Variants in IGFBP7 observed in about 807,000 individuals in gnomAD.
The protein encoded by IGFBP7 is insulin-like growth factor-binding protein 7.
A neutral mutation model predicts 29.4 loss-of-function variants in IGFBP7; 31 were observed. The ratio of observed to expected loss-of-function variants is 1.05; its 90% CI spans 0.79 to 1.42. The LOEUF is 1.42. Ranked by LOEUF, IGFBP7 falls within the 40% of genes most tolerant of loss-of-function variation. The pLI is 0.00. For missense variants in IGFBP7, 393 were observed against 395.5 expected (o/e 0.99, Z 0.05); for synonymous variants, 172 against 174.9 (o/e 0.98, Z 0.13).
chr4:57,068,409 C>CACA, intron 1 of IGFBP7, among the ~76,000 whole-genome samples: 2 of 151,962 alleles, frequency 1.3e-5, no homozygotes, highest in Middle Eastern at 6.8e-3. Context: ...GATGTGTAGA[C>CACA]ACAACACCCA....
At position 57,033,193 on chromosome 4, in the gene IGFBP7, A is replaced by G. The variant is rs1330313153; in HGVS notation, c.702+2T>C. On this transcript the variant is annotated splice_donor_variant, in intron 3 of 4. Transcript: ENST00000295666. LOFTEE classifies it high-confidence loss of function. Reference sequence around the variant, plus strand: ...TTGCCAGCTCTTGGTACTGGTACTCACCAGCACCCAGCCAGTTACTTCATG... The same window carrying G: ...TTGCCAGCTCTTGGTACTGGTACTCGCCAGCACCCAGCCAGTTACTTCATG... 6.3e-7 allele frequency: 1 copy of G among 1,598,532 alleles called. No individual in the cohort carries two copies. Among genetic ancestry groups the G allele is most frequent in the African/African-American group, 1.3e-5 (1 of 74,696 alleles).
chr4:57,085,068 T>C (rs980587449), intron 1 of IGFBP7, among the ~76,000 whole-genome samples: 4 of 152,084 alleles, frequency 2.6e-5, no homozygotes, highest in African/African-American at 9.7e-5. Context: ...GGATTACAGA[T>C]GTGAGCCACT....
At chr4:57,106,249 A>G (rs941592129) in intron 1 of IGFBP7, among the ~76,000 whole-genome samples, 4 of 152,142 alleles carry the variant, frequency 2.6e-5, no homozygotes, top group Non-Finnish European at 5.9e-5. Flanking sequence ...TTCATGTCAG[A>G]CAGGTAATGT....
chr4:57,105,450 T>C (rs1251021414), intron 1 of IGFBP7, among the ~76,000 whole-genome samples: 3 of 152,220 alleles, frequency 2.0e-5, no homozygotes, highest in African/African-American at 7.2e-5. Flanking sequence ...TCTGTCTATA[T>C]GAGGGAGCAA....
chr4:57,073,207 G>A (rs1725107027), intron 1 of IGFBP7: 2 of 996,196 alleles, frequency 2.0e-6, no homozygotes, highest in Non-Finnish European at 1.5e-6. Flanking sequence ...TGTGATTTTT[G>A]TATAGCACTC....
intron 1 of IGFBP7, among the ~76,000 whole-genome samples, chr4:57,051,581 T>A (rs1368795783): frequency 6.6e-6 from 1 of 152,144 alleles, no homozygotes; most frequent in Non-Finnish European, 1.5e-5. Flanking sequence ...CTAAATATAA[T>A]CTGTTGGGGT....
intron 1 of IGFBP7, among the ~76,000 whole-genome samples, chr4:57,095,219 T>C (rs1282866521): frequency 2.0e-5 from 3 of 152,208 alleles, no homozygotes; most frequent in African/African-American, 7.2e-5. Context: ...TCGTAATTTA[T>C]ATTAAATAAC....
chr4:57,099,142 G>A (rs1467172331), intron 1 of IGFBP7, among the ~76,000 whole-genome samples: 1 of 152,146 alleles, frequency 6.6e-6, no homozygotes, highest in African/African-American at 2.4e-5. Context: ...ATGCCTTTGA[G>A]CATTTCTCAC....
chr4:57,044,475 ATGGTTTTACTTTTCACATTT>A (rs1724311134), intron 1 of IGFBP7, among the ~76,000 whole-genome samples: 1 of 152,158 alleles, frequency 6.6e-6, no homozygotes, highest in African/African-American at 2.4e-5. Context: ...TACAAGCTTT[ATGGTTTTACTTTTCACATTT>A]AAGTTTTTGC....
At chr4:57,073,139 CT>C in intron 1 of IGFBP7, 1 of 1,593,206 alleles carries the variant, frequency 6.3e-7, no homozygotes, top group Non-Finnish European at 8.6e-7. Context: ...CTGACCCAGG[CT>C]GCCCAGCCTG....
intron 1 of IGFBP7, among the ~76,000 whole-genome samples, chr4:57,067,299 C>T (rs1268270047): frequency 6.6e-6 from 1 of 152,154 alleles, no homozygotes; most frequent in African/African-American, 2.4e-5. Context: ...GCCTCTATAA[C>T]CTTAAACAGT....
chr4:57,102,737 C>T (rs969208277), intron 1 of IGFBP7, among the ~76,000 whole-genome samples: 3 of 152,164 alleles, frequency 2.0e-5, no homozygotes, highest in Non-Finnish European at 4.4e-5. Context: ...CAAATCTTTC[C>T]TAAAATGCAG....
At chr4:57,064,246 TG>T (rs1255172791) in intron 1 of IGFBP7, among the ~76,000 whole-genome samples, 3 of 152,206 alleles carry the variant, frequency 2.0e-5, no homozygotes, top group Non-Finnish European at 2.9e-5. Context: ...CCCAGCTACT[TG>T]GGAGGCTAAG....
intron 1 of IGFBP7, among the ~76,000 whole-genome samples, chr4:57,079,514 A>G (rs963928005): frequency 3.3e-5 from 5 of 152,264 alleles, no homozygotes; most frequent in African/African-American, 4.8e-5. Context: ...AATAATTGAC[A>G]GAATAATTAC....
rs952691823 is a variant in IGFBP7 at position 57,031,320 on chromosome 4, T to C, written c.846A>G (p.Leu282=). 1 of 1,605,652 alleles carries C rather than the reference T, an allele frequency of 6.2e-7. No individual in the cohort carries two copies. Among genetic ancestry groups the C allele is most frequent in the Non-Finnish European group, 8.5e-7 (1 of 1,175,072 alleles). Residue 282 remains leucine, a synonymous_variant, in exon 5 of 5, where the codon CTA becomes CTG. Transcript: ENST00000295666. ...AGACTAATAATATTCTGGAGGTTTA[T>C]AGCTCGGCACCTTCACCTGTTTAAA... is the stretch of plus-strand genomic sequence containing the variant. ...IPVKKGEGAE[L]
chr4:57,081,891 C>A (rs1725379597), intron 1 of IGFBP7, among the ~76,000 whole-genome samples: 1 of 152,180 alleles, frequency 6.6e-6, no homozygotes, highest in African/African-American at 2.4e-5. Context: ...TTGAATCACC[C>A]TGCCTTCCTG....
chr4:57,109,433 A>T (rs73818614), intron 1 of IGFBP7, among the ~76,000 whole-genome samples: 2,581 of 149,402 alleles, frequency 0.017, 64 homozygotes, highest in African/African-American at 0.057. Context: ...CCTATCTTTT[A>T]AAAAAAAAAG....
intron 1 of IGFBP7, among the ~76,000 whole-genome samples, chr4:57,041,616 G>T (rs1447687852): frequency 6.6e-6 from 1 of 151,998 alleles, no homozygotes; most frequent in Admixed American, 6.6e-5. Flanking sequence ...GCTCACTGCA[G>T]CCTCAAACTC....
chr4:57,107,520 T>A (rs748192552), intron 1 of IGFBP7, among the ~76,000 whole-genome samples: 13 of 152,156 alleles, frequency 8.5e-5, no homozygotes, highest in Non-Finnish European at 1.5e-4. Context: ...TCAGAAGAAA[T>A]ATTTAGGGGA....
Sources: allele counts gnomAD v4.1 joint callset (sites outside exome capture counted in the v4.1 genomes callset), GRCh38; gene constraint gnomAD v4.1.1; transcripts MANE v1.5; gene names NCBI Gene and HGNC (gene_info 2026-07-23, HGNC 2026-07-21).